TGFBR3: variants seen among roughly 807,000 people sequenced by gnomAD.
TGFBR3 encodes transforming growth factor beta receptor 3, also known as transforming growth factor beta receptor type 3.
Under a neutral mutation model 87.9 loss-of-function variants are expected in TGFBR3, and 46 were observed. The observed-to-expected ratio is 0.52, with a 90% CI of 0.41 to 0.67. The LOEUF is 0.67. TGFBR3 is among the 30% of genes least tolerant of loss of function. The pLI is 0.00. For synonymous variants in TGFBR3, 381 were observed against 391.6 expected (o/e 0.97, Z 0.32); for missense variants, 866 against 1,041.9 (o/e 0.83, Z 2.32).
chr1:91,816,290 C>T (rs770085837), intron 2 of TGFBR3, among the ~76,000 whole-genome samples: 1 of 152,182 alleles, frequency 6.6e-6, no homozygotes, highest in Non-Finnish European at 1.5e-5. Context: ...TCAGAAACTA[C>T]CAGAGGCCAA....
At chr1:91,807,084 A>G (rs1271204247) in intron 2 of TGFBR3, among the ~76,000 whole-genome samples, 1 of 152,202 alleles carries the variant, frequency 6.6e-6, no homozygotes, top group African/African-American at 2.4e-5. Flanking sequence ...ACGTGTACAT[A>G]ACATATGCTC....
At chr1:91,753,390 C>CAAAAAAAAAAAAAAA (rs71586711) in intron 4 of TGFBR3, among the ~76,000 whole-genome samples, 1 of 52,354 alleles carries the variant, frequency 1.9e-5, no homozygotes, top group African/African-American at 8.9e-5. Context: ...ACTCTGTCCT[C>CAAAAAAAAAAAAAAA]AAAAAAAAAA....
chr1:91,871,247 T>C (rs1678573545), intron 1 of TGFBR3, among the ~76,000 whole-genome samples: 2 of 152,222 alleles, frequency 1.3e-5, no homozygotes, highest in South Asian at 2.1e-4. Flanking sequence ...AGGCCCTGCA[T>C]GGACACTCAC....
intron 3 of TGFBR3, chr1:91,766,431 A>G (rs1261471391): frequency 6.6e-6 from 1 of 152,044 alleles, no homozygotes; most frequent in African/African-American, 2.4e-5. Flanking sequence ...TTTACCAACA[A>G]CAGAATGTTA....
chr1:91,830,110 T>G (rs1453025027), intron 2 of TGFBR3: 1 of 152,030 alleles, frequency 6.6e-6, no homozygotes, highest in Non-Finnish European at 1.5e-5. Flanking sequence ...AGCTAGATCT[T>G]TGGTACTCAA....
chr1:91,798,528 C>T (rs939764741), intron 2 of TGFBR3, among the ~76,000 whole-genome samples: 4 of 152,102 alleles, frequency 2.6e-5, no homozygotes, highest in Non-Finnish European at 5.9e-5. Flanking sequence ...ATTCCTCTTC[C>T]ACTCTCACTC....
At chr1:91,732,305 C>T (rs1672803854) in intron 5 of TGFBR3, among the ~76,000 whole-genome samples, 1 of 152,106 alleles carries the variant, frequency 6.6e-6, no homozygotes, top group Admixed American at 6.5e-5. Context: ...TAGATGAGAG[C>T]AGTTCCCAAA....
At chr1:91,742,799 C>T (rs1022513499) in intron 4 of TGFBR3, among the ~76,000 whole-genome samples, 8 of 152,060 alleles carry the variant, frequency 5.3e-5, no homozygotes, top group Admixed American at 2.0e-4. Flanking sequence ...AATGCTCCTC[C>T]CTACTTGAAC....
chr1:91,790,349 G>A (rs899813219), intron 3 of TGFBR3, among the ~76,000 whole-genome samples: 7 of 152,314 alleles, frequency 4.6e-5, no homozygotes, highest in Middle Eastern at 3.4e-3. Context: ...CCATATGGCC[G>A]AGGTGCGTAG....
At chr1:91,769,158 G>A (rs987813921) in intron 3 of TGFBR3, among the ~76,000 whole-genome samples, 8 of 152,186 alleles carry the variant, frequency 5.3e-5, no homozygotes, top group African/African-American at 1.9e-4. Flanking sequence ...ATGTCAAAGG[G>A]TTAAATCTGT....
At chr1:91,692,087 G>A (rs1671287444) in intron 16 of TGFBR3, among the ~76,000 whole-genome samples, 1 of 152,196 alleles carries the variant, frequency 6.6e-6, no homozygotes, top group South Asian at 2.1e-4. Context: ...AAAATTAAAA[G>A]TCATGCAGGA....
At chr1:91,744,824 C>G (rs1305296220) in intron 4 of TGFBR3, among the ~76,000 whole-genome samples, 1 of 152,178 alleles carries the variant, frequency 6.6e-6, no homozygotes, top group Admixed American at 6.5e-5. Flanking sequence ...GCAAGAATCT[C>G]TCCTCTGCAC....
At chr1:91,730,493 G>A (rs920197705) in intron 5 of TGFBR3, among the ~76,000 whole-genome samples, 1 of 152,070 alleles carries the variant, frequency 6.6e-6, no homozygotes, top group African/African-American at 2.4e-5. Flanking sequence ...GTTTCAACCT[G>A]TACCTAGATC....
At chr1:91,761,920 A>G (rs1673980553) in intron 3 of TGFBR3, among the ~76,000 whole-genome samples, 1 of 152,240 alleles carries the variant, frequency 6.6e-6, no homozygotes, top group African/African-American at 2.4e-5. Context: ...GGCAGACTAC[A>G]GCAAATAAAT....
rs1248825782 is a variant in TGFBR3 at position 91,682,945 on chromosome 1, G to T, written c.*794C>A. On this transcript the variant is annotated 3_prime_UTR_variant, in exon 17 of 17. Transcript: ENST00000212355. The stretch of plus-strand genomic sequence containing the variant: ...CATTAATTTGCAGAACAAAATATTA[G>T]GAATGGGCACAAATCTGTGGTTCCT... The T allele has an allele frequency of 2.2e-6, 1 of 454,238 alleles. No homozygotes were observed. The highest frequency in any genetic ancestry group is 2.3e-5 in the Admixed American group (1 of 42,560). 28.1% of individuals were successfully genotyped at this position (454,238 alleles called of 1,614,324 possible).
intron 2 of TGFBR3, among the ~76,000 whole-genome samples, chr1:91,805,047 G>A (rs1049988175): frequency 6.6e-6 from 1 of 152,210 alleles, no homozygotes. Context: ...TCATGAAAAG[G>A]CATGTTGCAG....
At chr1:91,857,712 G>A (rs950315465) in intron 2 of TGFBR3, among the ~76,000 whole-genome samples, 19 of 152,208 alleles carry the variant, frequency 1.2e-4, no homozygotes, top group African/African-American at 4.6e-4. Flanking sequence ...GCTGAGGTGG[G>A]AGGATCACTT....
chr1:91,741,792 G>T (rs1170636786), intron 4 of TGFBR3, among the ~76,000 whole-genome samples: 4 of 151,982 alleles, frequency 2.6e-5, no homozygotes, highest in African/African-American at 4.8e-5. Flanking sequence ...TCCCATTTTG[G>T]GTCCTTATAA....
intron 2 of TGFBR3, among the ~76,000 whole-genome samples, chr1:91,892,760 T>A (rs1192382900): frequency 6.6e-6 from 1 of 152,330 alleles, no homozygotes; most frequent in Middle Eastern, 3.4e-3. Flanking sequence ...CATGAGATGG[T>A]TATTCCCGAG....
Sources: gnomAD v4.1 joint callset for allele counts (sites outside exome capture counted in the v4.1 genomes callset) on GRCh38, gnomAD v4.1.1 for gene constraint, MANE v1.5 for transcripts, NCBI Gene and HGNC (gene_info 2026-07-23, HGNC 2026-07-21) for gene names.